Variants in ELOVL4 observed in about 807,000 individuals in gnomAD.
ELOVL4 encodes very long chain fatty acid elongase 4.
In ELOVL4, 18 loss-of-function variants were observed where a neutral mutation model predicts 42.1. The ratio of observed to expected loss-of-function variants is 0.43; its 90% confidence interval spans 0.30 to 0.63. ELOVL4 has a LOEUF of 0.63. ELOVL4 is among the 30% of genes least tolerant of loss of function. The pLI, the probability that ELOVL4 is intolerant of heterozygous loss-of-function variation, is 0.15. For missense variants in ELOVL4, 299 were observed against 376.2 expected (o/e 0.79, Z 1.70); for synonymous variants, 117 against 127.0 (o/e 0.92, Z 0.53).
At chr6:79,918,250 T>G (rs1356882693) in intron 5 of ELOVL4, among the ~76,000 whole-genome samples, 1 of 152,214 alleles carries the variant, frequency 6.6e-6, no homozygotes, top group African/African-American at 2.4e-5. Context: ...TGGCAAATAT[T>G]TTAATTTGAA....
chr6:79,924,296 G>A (rs1183229130), intron 3 of ELOVL4, among the ~76,000 whole-genome samples: 1 of 151,758 alleles, frequency 6.6e-6, no homozygotes, highest in Non-Finnish European at 1.5e-5. Flanking sequence ...CACATAACTT[G>A]GACTCTAAGA....
rs1386642150 is a variant in ELOVL4 at position 79,921,813 on chromosome 6, C to T, written c.370-17G>A. 1.4e-5 allele frequency: 23 copies of T among 1,612,866 alleles called. No individual in the cohort carries two copies. Among genetic ancestry groups the T allele is most frequent in the Middle Eastern group, 1.6e-4 (1 of 6,080 alleles). ...AGCAGCTATCTGTAAAAAGGGAAAG[C>T]GTGTTATAAACACCAAAATGACACT... On this transcript the variant is annotated splice_polypyrimidine_tract_variant and intron_variant, in intron 3 of 5. Coordinates refer to ENST00000369816, the MANE Select transcript of ELOVL4 (RefSeq NM_022726.4).
Position 79,947,184 on chromosome 6 carries a change from G to C in ELOVL4, c.96C>G (p.Ile32Met). ...TVEFYRWTWS[I>M]ADKRVENWPL... is the part of the protein sequence containing the mutation. ...TGGGGAAGTCAGCGGCTTTACCTGC[G>C]ATGGACCAGGTCCAGCGGTAGAACT... The change falls in exon 1 of 6, where the codon ATC becomes ATG. Residue 32 changes from isoleucine (I) to methionine (M), a missense_variant. Transcript: ENST00000369816. 1 of 1,612,116 alleles carries C rather than the reference G, an allele frequency of 6.2e-7. No individual in the cohort carries two copies. Among genetic ancestry groups the C allele is most frequent in the Non-Finnish European group, 8.5e-7 (1 of 1,178,938 alleles).
At chr6:79,925,878 G>A (rs163983) in intron 2 of ELOVL4, among the ~76,000 whole-genome samples, 10,943 of 152,076 alleles carry the variant, frequency 0.072, 1,253 homozygotes, top group African/African-American at 0.25. Context: ...ACTTTACTCC[G>A]ATAATAACCT....
chr6:79,935,753 T>C (rs189790543), intron 1 of ELOVL4, among the ~76,000 whole-genome samples: 1 of 152,294 alleles, frequency 6.6e-6, no homozygotes, highest in East Asian at 1.9e-4. Flanking sequence ...TCTAAATACA[T>C]CTAGCATTTG....
chr6:79,920,496 G>A (rs138327694), intron 4 of ELOVL4, among the ~76,000 whole-genome samples: 174 of 152,312 alleles, frequency 1.1e-3, no homozygotes, highest in African/African-American at 3.8e-3. Context: ...CTCAGGACCA[G>A]ATGTGTTTCT....
intron 1 of ELOVL4, among the ~76,000 whole-genome samples, chr6:79,934,207 T>A (rs1774504595): frequency 1.3e-5 from 2 of 151,798 alleles, no homozygotes; most frequent in South Asian, 4.2e-4. Context: ...GCATGTACAG[T>A]GAGAGAATAA....
chr6:79,937,214 A>G (rs993852554), intron 1 of ELOVL4, among the ~76,000 whole-genome samples: 1 of 152,236 alleles, frequency 6.6e-6, no homozygotes, highest in Non-Finnish European at 1.5e-5. Flanking sequence ...CCTCTAACTC[A>G]GTTCTATAAC....
At chr6:79,923,451 G>A (rs549119324) in intron 3 of ELOVL4, among the ~76,000 whole-genome samples, 1 of 152,198 alleles carries the variant, frequency 6.6e-6, no homozygotes, top group Admixed American at 6.5e-5. Flanking sequence ...CCACCCAAGG[G>A]TTTTTCTATG....
chr6:79,929,759 G>A (rs1473882138), intron 1 of ELOVL4, among the ~76,000 whole-genome samples: 1 of 152,082 alleles, frequency 6.6e-6, no homozygotes, highest in African/African-American at 2.4e-5. Flanking sequence ...ACTGGTCAGG[G>A]GACGCATTTT....
intron 1 of ELOVL4, among the ~76,000 whole-genome samples, chr6:79,927,018 T>C (rs1156692613): frequency 1.3e-5 from 2 of 152,230 alleles, no homozygotes; most frequent in Non-Finnish European, 2.9e-5. Context: ...AATAACTAAC[T>C]TGAATGTTTT....
intron 2 of ELOVL4, among the ~76,000 whole-genome samples, chr6:79,925,349 G>T (rs1774325782): frequency 6.6e-6 from 1 of 152,028 alleles, no homozygotes; most frequent in African/African-American, 2.4e-5. Context: ...ACCTTAACTG[G>T]TTTCTATGTT....
intron 3 of ELOVL4, 39 bp from the exon 4 acceptor site, chr6:79,921,835 C>T (rs956272516): frequency 2.5e-6 from 4 of 1,591,336 alleles, no homozygotes; most frequent in Non-Finnish European, 3.4e-6. Context: ...ACCAAAATGA[C>T]ACTATTGTAT....
intron 2 of ELOVL4, 49 bp from the exon 3 acceptor site, chr6:79,925,081 A>G (rs1237673480): frequency 8.6e-7 from 1 of 1,166,354 alleles, no homozygotes; most frequent in Non-Finnish European, 1.3e-6. Context: ...TAAACACAGC[A>G]TTAAAAACAC....
chr6:79,935,192 C>G (rs1157995324), intron 1 of ELOVL4, among the ~76,000 whole-genome samples: 1 of 152,124 alleles, frequency 6.6e-6, no homozygotes, highest in Non-Finnish European at 1.5e-5. Context: ...TTAATACTTA[C>G]AACAAATTAT....
intron 3 of ELOVL4, 23 bp downstream of exon 3, chr6:79,924,929 A>G (rs1217669280): frequency 2.8e-6 from 4 of 1,446,204 alleles, no homozygotes; most frequent in Non-Finnish European, 3.9e-6. Context: ...TTTACTGATT[A>G]AGAGTATTTT....
chr6:79,921,623 A>C lies in ELOVL4; in HGVS notation c.541+2T>G. ...AAGCAGTATATTCCTGAAAATGCTCACCTTGTCCTCCTGCAACCCACTTAA... is the reference window on the plus strand; with the variant it reads ...AAGCAGTATATTCCTGAAAATGCTCCCCTTGTCCTCCTGCAACCCACTTAA... On this transcript the variant is annotated splice_donor_variant, in intron 4 of 5. Coordinates refer to ENST00000369816, the MANE Select transcript of ELOVL4 (RefSeq NM_022726.4). LOFTEE classifies it high-confidence loss of function. 6.2e-7 allele frequency: 1 copy of C among 1,613,994 alleles called. No individual in the cohort carries two copies.
At position 79,934,690 on chromosome 6, in the gene ELOVL4, C is replaced by T. The variant is rs1774513763; in HGVS notation, c.101-8309G>A. On this transcript the variant is annotated intron_variant, in intron 1 of 5. Transcript: ENST00000369816. ...AGACTTACCAGCATTAGACTCTTCACTTACCAGCTGAATAAACCCAAGAAG... is the reference window on the plus strand; with the variant it reads ...AGACTTACCAGCATTAGACTCTTCATTTACCAGCTGAATAAACCCAAGAAG... Among the ~76,000 whole-genome samples, 3 of 152,174 alleles carry T rather than the reference C, an allele frequency of 2.0e-5. No homozygotes were observed. In the South Asian group the frequency reaches 6.2e-4, roughly 31 times the overall value.
chr6:79,925,355 A>G (rs966714452), intron 2 of ELOVL4, among the ~76,000 whole-genome samples: 11 of 152,190 alleles, frequency 7.2e-5, no homozygotes, highest in Non-Finnish European at 1.6e-4. Flanking sequence ...ACTGGTTTCT[A>G]TGTTTGATCC....
Sources: gnomAD v4.1 joint callset for allele counts (sites outside exome capture counted in the v4.1 genomes callset) on GRCh38, gnomAD v4.1.1 for gene constraint, MANE v1.5 for transcripts, NCBI Gene and HGNC (gene_info 2026-07-23, HGNC 2026-07-21) for gene names.